The following OPCML variants were observed in gnomAD, a reference collection of about 807,000 sequenced individuals.
OPCML encodes opioid binding protein/cell adhesion molecule like.
In OPCML, 13 loss-of-function variants were observed where a neutral mutation model predicts 37.8. The ratio of observed to expected loss-of-function variants is 0.34; its 90% CI spans 0.22 to 0.55. OPCML has a LOEUF of 0.55. Among genes scored for constraint, OPCML ranks in the 20% least tolerant of loss-of-function variants. The probability of loss-of-function intolerance (pLI) is 0.91; values close to 1 mark genes in which losing one functional copy is unlikely to be tolerated. For missense variants in OPCML, 341 were observed against 435.6 expected (o/e 0.78, Z 1.93); for synonymous variants, 176 against 168.8 (o/e 1.04, Z -0.33).
chr11:133,483,871 A>T (rs1375842646), intron 1 of OPCML, among the ~76,000 whole-genome samples: 1 of 149,146 alleles, frequency 6.7e-6, no homozygotes, highest in African/African-American at 2.5e-5. Flanking sequence ...ATTCATAGAG[A>T]GACTTATAGA....
chr11:132,882,802 T>C (rs571911802), intron 2 of OPCML, among the ~76,000 whole-genome samples: 39 of 152,250 alleles, frequency 2.6e-4, no homozygotes, highest in African/African-American at 8.7e-4. Context: ...AAATGTAAGA[T>C]TGCATAGGCC....
chr11:132,914,242 C>T (rs190346686), intron 2 of OPCML, among the ~76,000 whole-genome samples: 31 of 152,302 alleles, frequency 2.0e-4, no homozygotes, highest in Non-Finnish European at 3.4e-4. Context: ...TCCAGATCCA[C>T]GACTGAGACT....
intron 1 of OPCML, among the ~76,000 whole-genome samples, chr11:133,281,160 C>T (rs1033786832): frequency 2.0e-5 from 3 of 152,182 alleles, no homozygotes; most frequent in Non-Finnish European, 4.4e-5. Flanking sequence ...CTTAAAGAGA[C>T]AAACCATGGG....
intron 1 of OPCML, among the ~76,000 whole-genome samples, chr11:133,362,412 C>T (rs1206765501): frequency 6.6e-6 from 1 of 152,180 alleles, no homozygotes; most frequent in Non-Finnish European, 1.5e-5. Flanking sequence ...AGGCTGCCTC[C>T]CCTCGGACAG....
intron 1 of OPCML, among the ~76,000 whole-genome samples, chr11:132,947,668 C>A (rs1945774137): frequency 6.6e-6 from 1 of 152,154 alleles, no homozygotes; most frequent in African/African-American, 2.4e-5. Flanking sequence ...CTGAGGTTCA[C>A]AATGAACAAG....
chr11:133,425,791 A>G (rs1945990723), intron 1 of OPCML, among the ~76,000 whole-genome samples: 1 of 152,320 alleles, frequency 6.6e-6, no homozygotes, highest in East Asian at 1.9e-4. Flanking sequence ...AATAGTAAAC[A>G]CGAATACATT....
chr11:133,527,127 C>T (rs1449043485), intron 1 of OPCML, among the ~76,000 whole-genome samples: 1 of 152,190 alleles, frequency 6.6e-6, no homozygotes, highest in Non-Finnish European at 1.5e-5. Flanking sequence ...GTCCAGCGGA[C>T]CAGCATCAGA....
intron 1 of OPCML, among the ~76,000 whole-genome samples, chr11:133,119,495 C>T (rs1032155009): frequency 2.0e-5 from 3 of 152,066 alleles, no homozygotes; most frequent in Non-Finnish European, 2.9e-5. Context: ...GGTTACCAAG[C>T]GCTTCTTGGT....
At chr11:132,527,472 T>C (rs1279021750) in intron 4 of OPCML, among the ~76,000 whole-genome samples, 2 of 152,196 alleles carry the variant, frequency 1.3e-5, no homozygotes, top group African/African-American at 2.4e-5. Context: ...TTTATTTATA[T>C]GATGAAGATG....
intron 1 of OPCML, among the ~76,000 whole-genome samples, chr11:133,492,373 G>T (rs535931315): frequency 2.0e-5 from 3 of 152,068 alleles, no homozygotes; most frequent in Non-Finnish European, 4.4e-5. Context: ...CCTAGGAGAC[G>T]AAACTCTCAT....
intron 1 of OPCML, among the ~76,000 whole-genome samples, chr11:133,463,520 C>A (rs1946907135): frequency 6.6e-6 from 1 of 152,050 alleles, no homozygotes; most frequent in Admixed American, 6.6e-5. Context: ...TATACTCTTA[C>A]CAACAGTGTA....
At chr11:133,475,038 C>T (rs546404558) in intron 1 of OPCML, among the ~76,000 whole-genome samples, 2 of 152,128 alleles carry the variant, frequency 1.3e-5, no homozygotes, top group South Asian at 2.1e-4. Flanking sequence ...GACATGCCAC[C>T]TTTACCCCCT....
At chr11:132,708,812 C>T (rs563105467) in intron 2 of OPCML, among the ~76,000 whole-genome samples, 3 of 152,298 alleles carry the variant, frequency 2.0e-5, no homozygotes, top group African/African-American at 4.8e-5. Flanking sequence ...CTTTTCTTTA[C>T]ACATACATTA....
At chr11:133,360,874 G>A (rs1944398356) in intron 1 of OPCML, 1 of 152,248 alleles carries the variant, frequency 6.6e-6, no homozygotes, top group Admixed American at 6.5e-5. Context: ...TGGAAGTGGA[G>A]GCCACAGTAG....
At chr11:132,870,642 T>A (rs184781774) in intron 2 of OPCML, among the ~76,000 whole-genome samples, 13 of 152,134 alleles carry the variant, frequency 8.5e-5, no homozygotes, top group Admixed American at 2.6e-4. Context: ...CGAGATAATA[T>A]GGAAAGAACG....
rs1319685078 is a variant in OPCML at position 133,219,300 on chromosome 11, A to G, written c.62-276290T>C. Among the ~76,000 whole-genome samples, 5 of 152,220 alleles carry G rather than the reference A, an allele frequency of 3.3e-5. No individual in the cohort carries two copies. The East Asian group carries it at 9.6e-4, about 29-fold the overall frequency. ...TCCACATTTTGGTAGCAACTTCATT[A>G]CAATGTAGTCCAACAGAACGTTCTG... On this transcript the variant is annotated intron_variant, in intron 1 of 7. Transcript: ENST00000524381.
At chr11:132,720,839 T>C (rs914441612) in intron 2 of OPCML, among the ~76,000 whole-genome samples, 2 of 152,232 alleles carry the variant, frequency 1.3e-5, no homozygotes, top group African/African-American at 4.8e-5. Flanking sequence ...CTTGTGTACA[T>C]AGACTATTTC....
At chr11:132,785,112 A>G (rs1192629033) in intron 2 of OPCML, among the ~76,000 whole-genome samples, 1 of 152,196 alleles carries the variant, frequency 6.6e-6, no homozygotes, top group South Asian at 2.1e-4. Context: ...TTCTACCTAT[A>G]TTGTATTACA....
chr11:133,288,702 T>C (rs1942372160), intron 1 of OPCML, among the ~76,000 whole-genome samples: 1 of 152,356 alleles, frequency 6.6e-6, no homozygotes, highest in Middle Eastern at 3.4e-3. Flanking sequence ...GAAAAGCCCC[T>C]GAACACCACT....
Sources: gnomAD v4.1 joint callset for allele counts (sites outside exome capture counted in the v4.1 genomes callset) on GRCh38, gnomAD v4.1.1 for gene constraint, MANE v1.5 for transcripts, NCBI Gene and HGNC (gene_info 2026-07-23, HGNC 2026-07-21) for gene names.